The following CLYBL variants were observed in gnomAD, a reference collection of about 807,000 sequenced individuals.
CLYBL encodes the protein citramalyl-CoA lyase, mitochondrial.
Under a neutral mutation model 38.9 loss-of-function variants are expected in CLYBL, and 31 were observed. The observed-to-expected ratio is 0.80, with a 90% CI of 0.60 to 1.08. The LOEUF (loss-of-function observed/expected upper bound fraction) is 1.08. Ranked by LOEUF, CLYBL falls within the 50% of genes least tolerant of loss-of-function variation. The pLI, the probability that CLYBL is intolerant of heterozygous loss-of-function variation, is 0.00. For missense variants in CLYBL, 434 were observed against 411.6 expected (o/e 1.05, Z -0.47); for synonymous variants, 171 against 158.6 (o/e 1.08, Z -0.59).
intron 1 of CLYBL, among the ~76,000 whole-genome samples, chr13:99,768,492 C>T (rs1161902987): frequency 2.6e-5 from 3 of 114,662 alleles, no homozygotes; most frequent in African/African-American, 3.5e-5. Flanking sequence ...TGCGCCCGAC[C>T]TCTTTTTTTT....
At chr13:99,803,234 C>G (rs1405241043) in intron 2 of CLYBL, among the ~76,000 whole-genome samples, 1 of 152,176 alleles carries the variant, frequency 6.6e-6, no homozygotes, top group African/African-American at 2.4e-5. Context: ...AAGGCCATGG[C>G]AAATCAGTCT....
intron 1 of CLYBL, among the ~76,000 whole-genome samples, chr13:99,698,101 A>G (rs143404471): frequency 9.8e-5 from 15 of 152,378 alleles, no homozygotes; most frequent in African/African-American, 2.2e-4. Context: ...CACAGGACAC[A>G]TGAAACAAAT....
chr13:99,790,811 G>A (rs1172168069), intron 2 of CLYBL, among the ~76,000 whole-genome samples: 1 of 152,130 alleles, frequency 6.6e-6, no homozygotes, highest in African/African-American at 2.4e-5. Context: ...ACCATTCTGG[G>A]GATTCCCTTC....
At chr13:99,744,541 A>T (rs1452527677) in intron 1 of CLYBL, among the ~76,000 whole-genome samples, 1 of 152,128 alleles carries the variant, frequency 6.6e-6, no homozygotes, top group East Asian at 1.9e-4. Context: ...TGGTTTTGGG[A>T]TGTGCCACCC....
At chr13:99,712,130 G>A (rs2048243563) in intron 1 of CLYBL, among the ~76,000 whole-genome samples, 1 of 152,128 alleles carries the variant, frequency 6.6e-6, no homozygotes, top group Admixed American at 6.6e-5. Context: ...CTTTGCAGGG[G>A]ACAGAAACAT....
chr13:99,727,282 T>G (rs1046358476), intron 1 of CLYBL: 1 of 152,146 alleles, frequency 6.6e-6, no homozygotes, highest in South Asian at 2.1e-4. Context: ...CTTCCTACAG[T>G]GGATTTCTCT....
At chr13:99,738,576 G>T (rs903302837) in intron 1 of CLYBL, among the ~76,000 whole-genome samples, 3 of 152,158 alleles carry the variant, frequency 2.0e-5, no homozygotes, top group African/African-American at 7.2e-5. Context: ...CACGGAAAAG[G>T]CCTTGTGCTC....
intron 1 of CLYBL, among the ~76,000 whole-genome samples, chr13:99,755,011 C>T (rs2049034901): frequency 6.6e-6 from 1 of 151,934 alleles, no homozygotes; most frequent in Non-Finnish European, 1.5e-5. Flanking sequence ...CATTCTCCTG[C>T]TTCAAACCCC....
chr13:99,637,523 G>T (rs1160426894), intron 1 of CLYBL, among the ~76,000 whole-genome samples: 1 of 152,202 alleles, frequency 6.6e-6, no homozygotes, highest in African/African-American at 2.4e-5. Flanking sequence ...CACTTTGGGA[G>T]GCCGAGGCGG....
chr13:99,818,076 G>T lies in CLYBL; in HGVS notation c.250-40785G>T, dbSNP rs554294886. Among the ~76,000 whole-genome samples the T allele has an allele frequency of 2.6e-5, 4 of 151,610 alleles. No homozygotes were observed. In the East Asian group the frequency reaches 7.8e-4, roughly 29 times the overall value. ...AGTGACGGAAGAAGTGAGGGAAGGA[G>T]GAAGGGAGAAAAAAAAAAGGAAAGA... On this transcript the variant is annotated intron_variant, in intron 2 of 8. Coordinates refer to ENST00000339105, the MANE Select transcript of CLYBL (RefSeq NM_206808.5).
chr13:99,700,913 G>A (rs2048055693), intron 1 of CLYBL, among the ~76,000 whole-genome samples: 1 of 152,202 alleles, frequency 6.6e-6, no homozygotes, highest in Admixed American at 6.5e-5. Context: ...GGAAAAGTTG[G>A]ATTTTTTTCC....
Position 99,891,370 on chromosome 13 carries a change from C to A in CLYBL, c.980C>A (p.Ala327Asp), listed in dbSNP as rs777812705. The change falls in exon 8 of 9, where the codon GCC becomes GAC. Residue 327 changes from alanine to aspartate, a missense_variant. Coordinates refer to ENST00000339105, the MANE Select transcript of CLYBL (RefSeq NM_206808.5). The part of the protein sequence containing the change: ...SMIDMPLLKQ[A>D]QNTVTLATSI... ...ATCGACATGCCATTACTGAAGCAGG[C>A]CCAGAACACTGTTACGCTTGCCACC... The A allele has an allele frequency of 6.2e-7, 1 of 1,613,826 alleles. No homozygotes were observed. The highest frequency in any genetic ancestry group is 2.2e-5 in the East Asian group (1 of 44,886).
chr13:99,817,472 C>T (rs2050476233), intron 2 of CLYBL, among the ~76,000 whole-genome samples: 2 of 151,392 alleles, frequency 1.3e-5, no homozygotes, highest in African/African-American at 2.4e-5. Context: ...TCCTGGCTAA[C>T]ACGAAACCCC....
At chr13:99,874,784 C>A (rs1429039421) in intron 7 of CLYBL, among the ~76,000 whole-genome samples, 2 of 152,102 alleles carry the variant, frequency 1.3e-5, no homozygotes, top group Admixed American at 6.5e-5. Flanking sequence ...GCAAAAATGA[C>A]AGCTAAAGGA....
At chr13:99,900,264 C>T (rs1342087880), downstream of CLYBL, among the ~76,000 whole-genome samples, 1 of 152,160 alleles carries the variant, frequency 6.6e-6, no homozygotes, top group Non-Finnish European at 1.5e-5. Flanking sequence ...AGTATATGCT[C>T]TCACAGGAAA....
intron 1 of CLYBL, among the ~76,000 whole-genome samples, chr13:99,708,691 G>A (rs1365113444): frequency 6.6e-6 from 1 of 152,220 alleles, no homozygotes; most frequent in African/African-American, 2.4e-5. Flanking sequence ...TGTTGTTATG[G>A]ATTGAATTGT....
intron 1 of CLYBL, among the ~76,000 whole-genome samples, chr13:99,621,163 C>T (rs886558857): frequency 4.6e-5 from 7 of 152,164 alleles, no homozygotes; most frequent in South Asian, 4.1e-4. Flanking sequence ...AGCTTCCTAA[C>T]GCTGTACTCT....
Position 99,866,321 on chromosome 13 carries a change from A to T in CLYBL, c.716A>T (p.Gln239Leu). The change falls in exon 6 of 9, where the codon CAA (glutamine) becomes CTA (leucine). Residue 239 changes from glutamine (Q) to leucine (L), a missense_variant. Gln to Leu is a moderately radical substitution (Grantham distance 113). Coordinates refer to ENST00000339105, the MANE Select transcript of CLYBL (RefSeq NM_206808.5). ...IVVIAKAFGL[Q>L]AIDLVYIDFR... ...GTCATAGCGAAAGCCTTTGGTCTCC[A>T]AGCCATAGATCTGGTGTACATTGAC... is the stretch of plus-strand genomic sequence containing the variant. 3 of 1,614,186 alleles carry T rather than the reference A, an allele frequency of 1.9e-6. No homozygotes were observed. Among genetic ancestry groups the T allele is most frequent in the African/African-American group, 1.3e-5 (1 of 75,052 alleles).
intron 1 of CLYBL, among the ~76,000 whole-genome samples, chr13:99,629,224 A>G (rs1299258518): frequency 6.6e-6 from 1 of 152,238 alleles, no homozygotes; most frequent in Non-Finnish European, 1.5e-5. Context: ...GGGCTATCCC[A>G]GCTTCAGTGT....
Sources: gnomAD v4.1 joint callset for allele counts (sites outside exome capture counted in the v4.1 genomes callset) on GRCh38, gnomAD v4.1.1 for gene constraint, MANE v1.5 for transcripts, NCBI Gene and HGNC (gene_info 2026-07-23, HGNC 2026-07-21) for gene names.